Variants in EPHA6 observed in about 807,000 individuals in gnomAD.
EPHA6 encodes ephrin type-A receptor 6.
Under a neutral mutation model 112.0 loss-of-function variants are expected in EPHA6, and 50 were observed. The ratio of observed to expected loss-of-function variants is 0.45; its 90% CI spans 0.36 to 0.56. The LOEUF (loss-of-function observed/expected upper bound fraction) is 0.56, where lower values mean the gene tolerates loss of function less well. Among genes scored for constraint, EPHA6 ranks in the 20% least tolerant of loss-of-function variants. The pLI is 0.00. For synonymous variants in EPHA6, 529 were observed against 490.7 expected (o/e 1.08, Z -1.03); for missense variants, 1,280 against 1,417.4 (o/e 0.90, Z 1.56).
chr3:96,864,363 C>G (rs2036183492), intron 1 of EPHA6, among the ~76,000 whole-genome samples: 1 of 151,986 alleles, frequency 6.6e-6, no homozygotes, highest in African/African-American at 2.4e-5. Context: ...GAATAGGTTT[C>G]AGCAACAAAA....
intron 5 of EPHA6, among the ~76,000 whole-genome samples, chr3:97,376,810 A>G (rs1244716067): frequency 6.6e-6 from 1 of 152,208 alleles, no homozygotes; most frequent in Non-Finnish European, 1.5e-5. Flanking sequence ...AAGGTGAGGG[A>G]GACAGAAAGT....
intron 5 of EPHA6, among the ~76,000 whole-genome samples, chr3:97,342,569 G>A (rs76507209): frequency 0.02 from 3,082 of 152,304 alleles, 99 homozygotes; most frequent in African/African-American, 0.07. Flanking sequence ...TGTTCCCACA[G>A]AATTCATATG....
intron 5 of EPHA6, among the ~76,000 whole-genome samples, chr3:97,284,322 C>A (rs2080391203): frequency 6.6e-6 from 1 of 151,960 alleles, no homozygotes; most frequent in African/African-American, 2.4e-5. Flanking sequence ...AAATTATTAT[C>A]TTTTTTCCTT....
intron 1 of EPHA6, among the ~76,000 whole-genome samples, chr3:96,855,867 C>CT (rs2035666631): frequency 6.6e-6 from 1 of 151,938 alleles, no homozygotes; most frequent in South Asian, 2.1e-4. Context: ...CTATACAACT[C>CT]TTATTATTCT....
chr3:97,646,327 C>G, intron 14 of EPHA6: 1 of 1,481,204 alleles, frequency 6.8e-7, no homozygotes, highest in South Asian at 1.4e-5. Flanking sequence ...CTTTCAGAGC[C>G]CCGTTTAAAA....
At chr3:97,481,196 G>A in intron 9 of EPHA6, 1 of 1,091,036 alleles carries the variant, frequency 9.2e-7, no homozygotes, top group Non-Finnish European at 1.4e-6. Context: ...TCCTCATGAA[G>A]TACTGGAAAA....
intron 14 of EPHA6, among the ~76,000 whole-genome samples, chr3:97,699,796 C>A (rs984252542): frequency 6.6e-6 from 1 of 152,194 alleles, no homozygotes; most frequent in Non-Finnish European, 1.5e-5. Context: ...TTCCCTTATG[C>A]CACCATTTTC....
chr3:97,158,624 G>A (rs116789940), intron 3 of EPHA6, among the ~76,000 whole-genome samples: 376 of 152,272 alleles, frequency 2.5e-3, no homozygotes, highest in African/African-American at 8.6e-3. Flanking sequence ...CAATTTTCAT[G>A]TAAGAAGGGG....
intron 3 of EPHA6, among the ~76,000 whole-genome samples, chr3:97,214,404 C>A (rs1373322147): frequency 6.7e-6 from 1 of 150,132 alleles, no homozygotes; most frequent in Non-Finnish European, 1.5e-5. Context: ...AAGCACAATA[C>A]TATTGCTATA....
At chr3:96,845,524 G>T (rs1462142366) in intron 1 of EPHA6, among the ~76,000 whole-genome samples, 1 of 151,926 alleles carries the variant, frequency 6.6e-6, no homozygotes, top group Non-Finnish European at 1.5e-5. Context: ...AGGTTTTTTG[G>T]TTGGTTGGTT....
chr3:97,118,011 A>T (rs964345366), intron 3 of EPHA6, among the ~76,000 whole-genome samples: 14 of 151,824 alleles, frequency 9.2e-5, no homozygotes, highest in African/African-American at 2.7e-4. Context: ...TGAAAAGAGA[A>T]TTATATTTTG....
At chr3:97,523,658 A>G (rs1193253055) in intron 10 of EPHA6, among the ~76,000 whole-genome samples, 5 of 152,042 alleles carry the variant, frequency 3.3e-5, no homozygotes, top group Non-Finnish European at 7.4e-5. Flanking sequence ...CTATTACTAT[A>G]TTATAGTCTA....
intron 2 of EPHA6, among the ~76,000 whole-genome samples, chr3:96,935,284 C>T (rs184954674): frequency 1.8e-4 from 27 of 151,424 alleles, no homozygotes; most frequent in Admixed American, 6.6e-4. Flanking sequence ...TTTTATTTTC[C>T]GATTAACTAC....
chr3:97,067,233 T>C (rs2046205484), intron 3 of EPHA6, among the ~76,000 whole-genome samples: 1 of 152,118 alleles, frequency 6.6e-6, no homozygotes, highest in South Asian at 2.1e-4. Context: ...TAAATTCACA[T>C]CCTATAATCT....
chr3:97,570,616 G>A (rs1354557635), intron 11 of EPHA6, among the ~76,000 whole-genome samples: 4 of 151,950 alleles, frequency 2.6e-5, no homozygotes, highest in Non-Finnish European at 1.5e-5. Context: ...TGTAATCCCA[G>A]CTACTCTGGA....
At chr3:96,821,639 G>A (rs1422557339) in intron 1 of EPHA6, among the ~76,000 whole-genome samples, 1 of 151,620 alleles carries the variant, frequency 6.6e-6, no homozygotes, top group African/African-American at 2.4e-5. Flanking sequence ...GATCTGATAG[G>A]AAAAATTTGT....
At chr3:97,457,048 G>A (rs914713591) in intron 7 of EPHA6, among the ~76,000 whole-genome samples, 2 of 152,146 alleles carry the variant, frequency 1.3e-5, no homozygotes, top group African/African-American at 2.4e-5. Context: ...CAAGGGCAAA[G>A]TGAAGAAAAC....
chr3:97,690,187 T>C (rs1209459903), intron 14 of EPHA6, among the ~76,000 whole-genome samples: 1 of 152,256 alleles, frequency 6.6e-6, no homozygotes, highest in Non-Finnish European at 1.5e-5. Context: ...TTAAACAGGA[T>C]AACTCTGTGT....
intron 10 of EPHA6, among the ~76,000 whole-genome samples, chr3:97,516,634 C>T (rs1403435684): frequency 6.6e-6 from 1 of 152,230 alleles, no homozygotes; most frequent in Admixed American, 6.5e-5. Flanking sequence ...CCGTCTAGAA[C>T]TGAATTAAAA....
Sources: gnomAD v4.1 joint callset for allele counts (sites outside exome capture counted in the v4.1 genomes callset) on GRCh38, gnomAD v4.1.1 for gene constraint, MANE v1.5 for transcripts, NCBI Gene and HGNC (gene_info 2026-07-23, HGNC 2026-07-21) for gene names.